The following TPTE variants were observed in gnomAD, a reference collection of about 807,000 sequenced individuals.
TPTE encodes transmembrane phosphatase with tensin homology.
In TPTE, 59 loss-of-function variants were observed where a neutral mutation model predicts 84.1. The ratio of observed to expected loss-of-function variants is 0.70; its 90% CI spans 0.57 to 0.87. The LOEUF (loss-of-function observed/expected upper bound fraction) is 0.87. Among genes scored for constraint, TPTE ranks in the 40% least tolerant of loss-of-function variants. The probability of loss-of-function intolerance (pLI) is 0.00; values close to 1 mark genes in which losing one functional copy is unlikely to be tolerated. For missense variants in TPTE, 382 were observed against 659.6 expected, an observed-to-expected ratio of 0.58 and a Z score of 4.61; for synonymous variants, 130 against 223.5, an observed-to-expected ratio of 0.58 and a Z score of 3.73.
chr21:10,573,346 G>A (rs1327919188), intron 14 of TPTE, among the ~76,000 whole-genome samples: 1 of 152,310 alleles, frequency 6.6e-6, no homozygotes, highest in Non-Finnish European at 1.5e-5. Context: ...GATAAACAAG[G>A]CAAATATTTT....
intron 11 of TPTE, among the ~76,000 whole-genome samples, chr21:10,568,435 G>A (rs1449949788): frequency 6.6e-6 from 1 of 152,312 alleles, no homozygotes; most frequent in Non-Finnish European, 1.5e-5. Flanking sequence ...AGTGGGATTG[G>A]GAAACTAAAG....
At chr21:10,581,106 T>C (rs1187956988) in intron 17 of TPTE, among the ~76,000 whole-genome samples, 1 of 152,310 alleles carries the variant, frequency 6.6e-6, no homozygotes, top group African/African-American at 2.4e-5. Flanking sequence ...TTCAAGCCCA[T>C]TAGTTAAAAT....
At chr21:10,583,807 T>TC (rs2075311513) in intron 17 of TPTE, among the ~76,000 whole-genome samples, 1 of 152,308 alleles carries the variant, frequency 6.6e-6, no homozygotes, top group African/African-American at 2.4e-5. Context: ...CAGAAGATTT[T>TC]CATTTCTTTA....
At chr21:10,555,418 G>T (rs1256724146) in intron 8 of TPTE, among the ~76,000 whole-genome samples, 5 of 152,304 alleles carry the variant, frequency 3.3e-5, no homozygotes, top group Admixed American at 3.3e-4. Flanking sequence ...ACGTTGGCCA[G>T]GATGGTCTCG....
chr21:10,535,442 C>G (rs1174742249), intron 3 of TPTE, among the ~76,000 whole-genome samples: 2 of 152,310 alleles, frequency 1.3e-5, no homozygotes, highest in Non-Finnish European at 2.9e-5. Context: ...TACAGAATAT[C>G]TTTGACACTA....
At chr21:10,564,062 G>T (rs1316997038) in intron 10 of TPTE, among the ~76,000 whole-genome samples, 1 of 152,300 alleles carries the variant, frequency 6.6e-6, no homozygotes, top group Non-Finnish European at 1.5e-5. Flanking sequence ...GCTGAGGCAG[G>T]AGAATCACTT....
Position 10,556,704 on chromosome 21 carries a change from T to C in TPTE, c.234-2790T>C, listed in dbSNP as rs1319561082. ...TTCTCCACATCCTCTCCAGCACCTG[T>C]TGTTTCTTGACTTTTTAATAATCAC... is the stretch of plus-strand genomic sequence containing the variant. On this transcript the variant is annotated intron_variant, in intron 8 of 23. Coordinates refer to ENST00000618007, the MANE Select transcript of TPTE (RefSeq NM_199261.4). Among the ~76,000 whole-genome samples, 268 of 152,328 alleles carry C rather than the reference T, an allele frequency of 1.8e-3. 1 individual carries two copies. Among genetic ancestry groups the C allele is most frequent in the Admixed American group, 4.5e-3 (68 of 15,272 alleles).
intron 17 of TPTE, among the ~76,000 whole-genome samples, chr21:10,580,478 C>A (rs1185613977): frequency 1.7e-3 from 251 of 151,540 alleles, no homozygotes; most frequent in African/African-American, 5.9e-3. Flanking sequence ...TAGTAGTTTT[C>A]CAATTTCATG....
chr21:10,548,559 G>A (rs1249759253), intron 7 of TPTE, among the ~76,000 whole-genome samples: 1 of 152,294 alleles, frequency 6.6e-6, no homozygotes, highest in Non-Finnish European at 1.5e-5. Flanking sequence ...CACATCCTGA[G>A]CTAGAATAGC....
chr21:10,541,202 T>G, intron 5 of TPTE, 37 bp downstream of exon 5: 2 of 1,610,806 alleles, frequency 1.2e-6, no homozygotes, highest in Non-Finnish European at 1.7e-6. Flanking sequence ...CCAGGTGCAA[T>G]GGTTCACACC....
At chr21:10,601,888 C>G (rs1217501225) in intron 21 of TPTE, among the ~76,000 whole-genome samples, 170 bp from the exon 22 acceptor site, 1 of 152,308 alleles carries the variant, frequency 6.6e-6, no homozygotes, top group South Asian at 2.1e-4. Flanking sequence ...CACGCATAAA[C>G]AACAGTATTG....
At chr21:10,538,833 T>C in intron 4 of TPTE, 99 bp downstream of exon 4, 1 of 1,611,792 alleles carries the variant, frequency 6.2e-7, no homozygotes, top group Non-Finnish European at 8.5e-7. Flanking sequence ...CATCCATCCA[T>C]CCATGCATCC....
chr21:10,564,530 C>T (rs1416194424), intron 10 of TPTE, among the ~76,000 whole-genome samples: 1 of 152,238 alleles, frequency 6.6e-6, no homozygotes, highest in Non-Finnish European at 1.5e-5. Flanking sequence ...AAAATAAAAA[C>T]AAACCCAAAA....
At chr21:10,525,264 T>C (rs946734884) in intron 2 of TPTE, among the ~76,000 whole-genome samples, 1 of 152,310 alleles carries the variant, frequency 6.6e-6, no homozygotes. Flanking sequence ...CATTTTAAGA[T>C]CTGTGAATCA....
At position 10,561,052 on chromosome 21, in the gene TPTE, T is replaced by A; in HGVS notation, c.307T>A (p.Leu103Ile). The A allele has an allele frequency of 6.2e-7, 1 of 1,612,014 alleles. No individual in the cohort carries two copies. Among genetic ancestry groups the A allele is most frequent in the Non-Finnish European group, 8.5e-7 (1 of 1,179,836 alleles). Residue 103 changes from leucine (L) to isoleucine (I), a missense_variant, in exon 10 of 24, where the codon TTA becomes ATA. By Grantham distance (5) the Leu-to-Ile change is conservative. Around this residue, in one of 10 missense-constraint regions of TPTE, gnomAD observed 85 missense variants for 230.9 expected, o/e 0.37. Transcript: ENST00000618007. ...TAGACTATTTGGAGTTTTCCTGGTCTTACTGGATGTCACTCTCATCCTTGC... is the reference window on the plus strand; with the variant it reads ...TAGACTATTTGGAGTTTTCCTGGTCATACTGGATGTCACTCTCATCCTTGC... Reference protein sequence around the residue: ...AFGLFGVFLVLLDVTLILADL... With the variant: ...AFGLFGVFLVILDVTLILADL...
At chr21:10,576,838 CATATATATATATATATATATATATAT>C (rs56285862) in intron 14 of TPTE, among the ~76,000 whole-genome samples, 47 of 135,970 alleles carry the variant, frequency 3.5e-4, no homozygotes, top group East Asian at 8.5e-4. Context: ...TACATATATA[CATATATATATATATATATATATATAT>C]ATATATATAT....
At chr21:10,583,949 CA>C (rs1472666534) in intron 17 of TPTE, among the ~76,000 whole-genome samples, 1 of 152,308 alleles carries the variant, frequency 6.6e-6, no homozygotes, top group Non-Finnish European at 1.5e-5. Context: ...TTTTTCTTCA[CA>C]ATTGTTTGGG....
intron 14 of TPTE, among the ~76,000 whole-genome samples, chr21:10,574,915 A>G (rs2075120960): frequency 1.3e-5 from 2 of 152,312 alleles, no homozygotes; most frequent in Non-Finnish European, 2.9e-5. Flanking sequence ...TACACACTCT[A>G]GCCCCGGGGA....
intron 10 of TPTE, among the ~76,000 whole-genome samples, chr21:10,562,079 A>G (rs1348713292): frequency 6.6e-6 from 1 of 152,302 alleles, no homozygotes; most frequent in African/African-American, 2.4e-5. Context: ...AAGGGAAGAA[A>G]ACAAGAGTCT....
Sources: allele counts gnomAD v4.1 joint callset (sites outside exome capture counted in the v4.1 genomes callset), GRCh38; gene constraint gnomAD v4.1.1; regional missense constraint gnomAD v4.1.1; transcripts MANE v1.5; gene names NCBI Gene and HGNC (gene_info 2026-07-23, HGNC 2026-07-21).